NCR3LG1: variants seen among roughly 807,000 people sequenced by gnomAD.
The protein encoded by NCR3LG1 is natural cytotoxicity triggering receptor 3 ligand 1.
NCR3LG1 carries 35 observed loss-of-function variants against 34.8 expected under a neutral mutation model. The observed-to-expected ratio is 1.01, with a 90% CI of 0.77 to 1.33. The LOEUF is 1.33. Ranked by LOEUF, NCR3LG1 falls within the 40% of genes most tolerant of loss-of-function variation. The pLI is 0.00. For synonymous variants in NCR3LG1, 173 were observed against 163.6 expected (o/e 1.06, Z -0.44); for missense variants, 452 against 423.3 (o/e 1.07, Z -0.60).
intron 4 of NCR3LG1, 83 bp from the exon 5 acceptor site, chr11:17,371,923 C>T: frequency 1.6e-6 from 1 of 616,988 alleles, no homozygotes; most frequent in Non-Finnish European, 2.9e-6. Context: ...AGGGGGACGC[C>T]CCTTCCATTT....
intron 4 of NCR3LG1, 89 bp from the exon 5 acceptor site, chr11:17,371,917 G>C: frequency 4.9e-6 from 3 of 615,038 alleles, no homozygotes; most frequent in Admixed American, 2.8e-5. Flanking sequence ...AGGAGAAGGG[G>C]GACGCCCCTT....
chr11:17,372,547 T>C lies in NCR3LG1; in HGVS notation c.*35T>C. 1.5e-6 allele frequency: 1 copy of C among 651,396 alleles called. No homozygotes were observed. The highest frequency in any genetic ancestry group is 2.8e-6 in the Non-Finnish European group (1 of 360,832). 40.4% of individuals were successfully genotyped at this position (651,396 alleles called of 1,614,324 possible). On this transcript the variant is annotated 3_prime_UTR_variant, in exon 5 of 5. Transcript: ENST00000338965. ...GGACCTGGTGCCACTAGGGTCCAAG[T>C]TCCCTTTTCATTACAGGACCTTGGG...
In NCR3LG1 at chr11:17,351,883, G is replaced by T; in HGVS notation, c.-87G>T. The T allele has an allele frequency of 9.6e-7, 1 of 1,036,888 alleles. No individual in the cohort carries two copies. The highest frequency in any genetic ancestry group is 1.4e-6 in the Non-Finnish European group (1 of 700,542). 64.2% of individuals were successfully genotyped at this position (1,036,888 alleles called of 1,614,324 possible). ...GGCTGTGTCTCCGTCAACTCTTTAC[G>T]CAACAGAGGTCTCCCCCTGCCCTTG... On this transcript the variant is annotated 5_prime_UTR_variant, in exon 1 of 5. Transcript: ENST00000338965.
At chr11:17,366,181 G>A (rs999265251) in intron 2 of NCR3LG1, among the ~76,000 whole-genome samples, 6 of 152,250 alleles carry the variant, frequency 3.9e-5, no homozygotes, top group Admixed American at 3.9e-4. Context: ...AGCTAGCTCT[G>A]TGATCATCTG....
Position 17,371,390 on chromosome 11 carries a change from C to T in NCR3LG1, c.859-616C>T, listed in dbSNP as rs12269742. Among the ~76,000 whole-genome samples the T allele has an allele frequency of 8.0e-3, 1,218 of 152,238 alleles. 15 individuals are homozygous for T. Among genetic ancestry groups the T allele is most frequent in the African/African-American group, 0.028 (1,162 of 41,532 alleles). ...TCTCTTATGTCCCTCTTTCAGTGAT[C>T]AGGCCCCATGCCCTATTTGTAAGCA... On this transcript the variant is annotated intron_variant, in intron 4 of 4. Transcript: ENST00000338965.
chr11:17,360,711 A>G (rs1178278584), intron 2 of NCR3LG1, among the ~76,000 whole-genome samples: 2 of 151,606 alleles, frequency 1.3e-5, no homozygotes, highest in African/African-American at 4.8e-5. Flanking sequence ...TCAGTTGAAT[A>G]TATTTGTGTG....
intron 1 of NCR3LG1, 63 bp downstream of exon 1, chr11:17,352,102 G>T: frequency 8.2e-7 from 1 of 1,218,466 alleles, no homozygotes; most frequent in South Asian, 1.5e-5. Flanking sequence ...CTCGCGGGTC[G>T]GCTCCCTAGC....
chr11:17,375,937 C>T lies in NCR3LG1; in HGVS notation c.*3425C>T, dbSNP rs1370853697. 6.6e-6 allele frequency: 1 copy of T among 152,200 alleles called. No homozygotes were observed. Among genetic ancestry groups the T allele is most frequent in the Non-Finnish European group, 1.5e-5 (1 of 68,034 alleles). 9.4% of individuals were successfully genotyped at this position (152,200 alleles called of 1,614,324 possible). On this transcript the variant is annotated 3_prime_UTR_variant, in exon 5 of 5. Coordinates refer to ENST00000338965, the MANE Select transcript of NCR3LG1 (RefSeq NM_001202439.3). ...TCAGAAGATTGCAAAGTACGCTTGC[C>T]AGCCTCCAGCCAATGGAAGATTCTT... is the stretch of plus-strand genomic sequence containing the variant.
intron 1 of NCR3LG1, 23 bp downstream of exon 1, chr11:17,352,062 T>C: frequency 8.7e-6 from 1 of 114,512 alleles, no homozygotes; most frequent in Non-Finnish European, 1.7e-5. Flanking sequence ...TGGGGTGGGC[T>C]GGGGCGGGGG....
chr11:17,354,542 CTTCT>C (rs1465219339), intron 1 of NCR3LG1, among the ~76,000 whole-genome samples: 20 of 57,994 alleles, frequency 3.4e-4, no homozygotes, highest in African/African-American at 1.4e-3. Context: ...CCCAATTCTT[CTTCT>C]TTTTTTTTTT....
chr11:17,356,676 A>AG lies in NCR3LG1; in HGVS notation c.102dup (p.Thr35AspfsTer8). The AG allele has an allele frequency of 6.5e-7, 1 of 1,535,198 alleles. No individual in the cohort carries two copies. ...GTGATCTGAAAGTAGAGATGATGGCAGGGGGGACTCAGATCACACCCCTGA... is the reference window on the plus strand; with the variant it reads ...GTGATCTGAAAGTAGAGATGATGGCAGGGGGGGACTCAGATCACACCCCTGA... On this transcript the variant is annotated frameshift_variant, in exon 2 of 5. Coordinates refer to ENST00000338965, the MANE Select transcript of NCR3LG1 (RefSeq NM_001202439.3). LOFTEE classifies it high-confidence loss of function.
Position 17,374,954 on chromosome 11 carries a change from G to A in NCR3LG1, c.*2442G>A, listed in dbSNP as rs1052192086. The A allele has an allele frequency of 6.6e-6, 1 of 152,210 alleles. No individual in the cohort carries two copies. The highest frequency in any genetic ancestry group is 1.5e-5 in the Non-Finnish European group (1 of 68,050). The allele number at this position is 152,210 out of a possible 1,614,324, so 9.4% of individuals were successfully genotyped here. A position where few individuals can be genotyped will look rare whatever the true frequency, so the allele number is the denominator to read the frequency against. ...AGTTTTAATTCAAGTTCAAGGCCCA[G>A]CTCAACAGCCAGTAGGTTACTTAAG... On this transcript the variant is annotated 3_prime_UTR_variant, in exon 5 of 5. Transcript: ENST00000338965.
At chr11:17,362,609 C>T (rs1472307936) in intron 2 of NCR3LG1, among the ~76,000 whole-genome samples, 4 of 144,810 alleles carry the variant, frequency 2.8e-5, no homozygotes, top group Non-Finnish European at 4.6e-5. Context: ...TGGTGCTTTC[C>T]TTTTTGGAAG....
At position 17,356,828 on chromosome 11, in the gene NCR3LG1, G is replaced by A; in HGVS notation, c.248G>A (p.Gly83Glu). Residue 83 changes from glycine to glutamate, a missense_variant, in exon 2 of 5, where the codon GGA becomes GAA. Physicochemically the swap from Gly to Glu is moderately conservative, Grantham distance 98 (BLOSUM62 -2). Transcript: ENST00000338965. ...DKEVKVFEFF[G>E]DHQEAFRPGA... ...GAAGTCAAAGTCTTTGAATTTTTTGGAGATCACCAAGAGGCATTCCGACCT... is the reference window on the plus strand; with the variant it reads ...GAAGTCAAAGTCTTTGAATTTTTTGAAGATCACCAAGAGGCATTCCGACCT... 1.3e-6 allele frequency: 2 copies of A among 1,536,132 alleles called. No individual in the cohort carries two copies. The highest frequency in any genetic ancestry group is 1.7e-6 in the Non-Finnish European group (2 of 1,146,914).
At chr11:17,357,133 G>T in intron 2 of NCR3LG1, 132 bp downstream of exon 2, 1 of 652,246 alleles carries the variant, frequency 1.5e-6, no homozygotes, top group Non-Finnish European at 2.6e-6. Flanking sequence ...GAGCTTGGTG[G>T]CTGTATTAGT....
At chr11:17,366,646 C>G (rs908357899) in intron 2 of NCR3LG1, among the ~76,000 whole-genome samples, 14 of 152,186 alleles carry the variant, frequency 9.2e-5, no homozygotes, top group Admixed American at 4.6e-4. Flanking sequence ...GAGTTGTGGT[C>G]ACAGCATGTC....
intron 2 of NCR3LG1, among the ~76,000 whole-genome samples, chr11:17,360,600 ATT>A (rs538727452): frequency 1.9e-4 from 26 of 139,758 alleles, no homozygotes; most frequent in Admixed American, 2.8e-4. Flanking sequence ...TTCTATATGT[ATT>A]TTTTTTTTTT....
chr11:17,363,509 TCCCTC>T (rs1564856853), intron 2 of NCR3LG1, among the ~76,000 whole-genome samples: 8 of 62,222 alleles, frequency 1.3e-4, no homozygotes, highest in South Asian at 8.0e-4. Flanking sequence ...TTTCCCTCCC[TCCCTC>T]CCTCCCTCCC....
intron 1 of NCR3LG1, among the ~76,000 whole-genome samples, chr11:17,355,420 C>A (rs1027961490): frequency 2.5e-4 from 36 of 144,442 alleles, no homozygotes; most frequent in Non-Finnish European, 3.4e-4. Context: ...AGGAAAACAT[C>A]AAAAAAAAAA....
Sources: allele counts gnomAD v4.1 joint callset (sites outside exome capture counted in the v4.1 genomes callset), GRCh38; gene constraint gnomAD v4.1.1; transcripts MANE v1.5; gene names NCBI Gene and HGNC (gene_info 2026-07-23, HGNC 2026-07-21).